The following SPECC1L variants were observed in gnomAD, a reference collection of about 807,000 sequenced individuals.
The protein encoded by SPECC1L is cytospin-A.
In SPECC1L, 40 loss-of-function variants were observed where a neutral mutation model predicts 116.8. That is an observed-to-expected ratio of 0.34 (90% CI 0.27 to 0.45). SPECC1L has a LOEUF of 0.45. Among genes scored for constraint, SPECC1L ranks in the 20% least tolerant of loss-of-function variants. The pLI, the probability that SPECC1L is intolerant of heterozygous loss-of-function variation, is 1.00. For missense variants in SPECC1L, 1,110 were observed against 1,373.6 expected (o/e 0.81, Z 3.03); for synonymous variants, 504 against 500.6 (o/e 1.01, Z -0.09).
At chr22:24,316,485 C>CGAGCATGCT (rs2040569484) in intron 4 of SPECC1L, among the ~76,000 whole-genome samples, 1 of 151,218 alleles carries the variant, frequency 6.6e-6, no homozygotes, top group Non-Finnish European at 1.5e-5. Flanking sequence ...TGACTCTGAA[C>CGAGCATGCT]GAGCATGCTG....
intron 14 of SPECC1L, among the ~76,000 whole-genome samples, chr22:24,390,852 CTT>C (rs60006066): frequency 1.6e-4 from 8 of 48,584 alleles, no homozygotes; most frequent in African/African-American, 6.4e-4. Context: ...GCCTGTGTTC[CTT>C]TTTTTTTTTT....
At chr22:24,327,103 C>T (rs889818120) in intron 6 of SPECC1L, among the ~76,000 whole-genome samples, 41 of 151,602 alleles carry the variant, frequency 2.7e-4, no homozygotes, top group African/African-American at 9.9e-4. Flanking sequence ...CATGGTGAAA[C>T]CCCGTCTGTA....
At chr22:24,320,956 T>C (rs2040709557) in intron 4 of SPECC1L, among the ~76,000 whole-genome samples, 1 of 152,232 alleles carries the variant, frequency 6.6e-6, no homozygotes, top group African/African-American at 2.4e-5. Context: ...TCTGGCCAAC[T>C]GGTTAAAACC....
rs2042792982 is a variant in SPECC1L at position 24,415,911 on chromosome 22, G to A, written c.*1288G>A. ...ATTTTTGGGAATAGGGATCTCCCGT[G>A]TGCCTAACGCAGTAGCTATTGGTTT... On this transcript the variant is annotated 3_prime_UTR_variant, in exon 17 of 17. Coordinates refer to ENST00000314328, the MANE Select transcript of SPECC1L (RefSeq NM_015330.6). 1 of 152,288 alleles carries A rather than the reference G, an allele frequency of 6.6e-6. No homozygotes were observed. The allele number at this position is 152,288 out of a possible 1,614,324, so 9.4% of individuals were successfully genotyped here.
At chr22:24,340,701 A>G (rs918171388) in intron 10 of SPECC1L, among the ~76,000 whole-genome samples, 23 of 152,212 alleles carry the variant, frequency 1.5e-4, no homozygotes, top group African/African-American at 5.5e-4. Context: ...TTTTTAGTAC[A>G]TGATTAGTTA....
chr22:24,324,451 C>CT, intron 6 of SPECC1L, 24 bp downstream of exon 6: 1 of 1,586,374 alleles, frequency 6.3e-7, no homozygotes, highest in East Asian at 2.2e-5. Context: ...ACTTTTCATT[C>CT]TTTTTTGTCC....
intron 14 of SPECC1L, among the ~76,000 whole-genome samples, chr22:24,391,411 G>A (rs138643418): frequency 8.5e-5 from 13 of 152,262 alleles, no homozygotes; most frequent in African/African-American, 3.1e-4. Context: ...TTAAAAATCA[G>A]TTGCTTAGTG....
chr22:24,314,434 T>C (rs1279427165), intron 4 of SPECC1L, among the ~76,000 whole-genome samples: 1 of 152,252 alleles, frequency 6.6e-6, no homozygotes, highest in African/African-American at 2.4e-5. Flanking sequence ...TCATAACTTA[T>C]TCAATGAGTA....
chr22:24,312,769 A>G (rs1278152710), intron 3 of SPECC1L, among the ~76,000 whole-genome samples: 3 of 152,226 alleles, frequency 2.0e-5, no homozygotes, highest in Non-Finnish European at 4.4e-5. Flanking sequence ...CTCAAACTGT[A>G]AAGCCTCTAG....
chr22:24,406,753 G>A (rs919365234), intron 14 of SPECC1L, among the ~76,000 whole-genome samples: 3 of 152,202 alleles, frequency 2.0e-5, no homozygotes, highest in East Asian at 3.8e-4. Flanking sequence ...TAATATTAAC[G>A]GGCCGTGGTG....
intron 14 of SPECC1L, among the ~76,000 whole-genome samples, chr22:24,403,624 C>T (rs1021503420): frequency 1.3e-5 from 2 of 152,180 alleles, no homozygotes; most frequent in Admixed American, 6.5e-5. Context: ...CCAGCCCCTC[C>T]GCTCTTCAGC....
rs2040778292 is a variant in SPECC1L, at chr22:24,324,436, TAAG to T, written c.2146+12_2146+14del. 1.9e-6 allele frequency: 3 copies of T among 1,609,240 alleles called. No homozygotes were observed. The highest frequency in any genetic ancestry group is 2.6e-6 in the Non-Finnish European group (3 of 1,175,692). On this transcript the variant is annotated intron_variant, in intron 6 of 16. Transcript: ENST00000314328. ...TATTTCTGATCTAGAGAGTAAGTGA[TAAG>T]AACTTTTCATTCTTTTTTGTCCTAC...
intron 10 of SPECC1L, among the ~76,000 whole-genome samples, chr22:24,338,717 A>G (rs535282763): frequency 3.3e-5 from 5 of 152,334 alleles, no homozygotes; most frequent in African/African-American, 4.8e-5. Context: ...AACACTTGCT[A>G]TGTGTTCTAC....
chr22:24,341,419 T>G (rs2041175255), intron 10 of SPECC1L, among the ~76,000 whole-genome samples: 1 of 152,224 alleles, frequency 6.6e-6, no homozygotes, highest in African/African-American at 2.4e-5. Context: ...CCAGCCGCTG[T>G]GGAGACACCT....
chr22:24,290,055 C>T (rs1357144047), intron 2 of SPECC1L, among the ~76,000 whole-genome samples: 2 of 152,222 alleles, frequency 1.3e-5, no homozygotes, highest in African/African-American at 4.8e-5. Flanking sequence ...GCCTCCATCC[C>T]TCCACTGGGG....
At chr22:24,353,957 T>C (rs1031741285) in intron 11 of SPECC1L, among the ~76,000 whole-genome samples, 10 of 152,246 alleles carry the variant, frequency 6.6e-5, no homozygotes, top group Non-Finnish European at 1.3e-4. Flanking sequence ...CTTACAGTTA[T>C]GCAGGCTGTA....
chr22:24,313,438 C>T lies in SPECC1L; in HGVS notation c.279C>T (p.Thr93=), dbSNP rs147849517. 4.9e-5 allele frequency: 79 copies of T among 1,614,092 alleles called. No individual in the cohort carries two copies. The highest frequency in any genetic ancestry group is 1.3e-4 in the Admixed American group (8 of 60,016). The change falls in exon 4 of 17, where the codon ACC becomes ACT. Residue 93 remains threonine (T), a synonymous_variant. Coordinates refer to ENST00000314328, the MANE Select transcript of SPECC1L (RefSeq NM_015330.6). The stretch of plus-strand genomic sequence containing the variant: ...CAGCATCTGCCCCTGCCATGACCAC[C>T]GTGGAGAACAAATCCAAGATTAGCA... ...APSASAPAMT[T]VENKSKISTG...
chr22:24,390,443 A>T (rs940947388), intron 14 of SPECC1L, among the ~76,000 whole-genome samples: 1 of 152,210 alleles, frequency 6.6e-6, no homozygotes, highest in Non-Finnish European at 1.5e-5. Context: ...TCCCAGAGTT[A>T]AAAAATAAAA....
intron 4 of SPECC1L, among the ~76,000 whole-genome samples, chr22:24,317,430 G>T (rs2040608648): frequency 7.9e-6 from 1 of 126,894 alleles, no homozygotes; most frequent in Non-Finnish European, 1.8e-5. Flanking sequence ...GCGCTGGCCG[G>T]GCGGGGGGCT....
Sources: allele counts gnomAD v4.1 joint callset (sites outside exome capture counted in the v4.1 genomes callset), GRCh38; gene constraint gnomAD v4.1.1; transcripts MANE v1.5; gene names NCBI Gene and HGNC (gene_info 2026-07-23, HGNC 2026-07-21).